The following ASAP1 variants were observed in gnomAD, a reference collection of about 807,000 sequenced individuals.
The protein encoded by ASAP1 is arf-GAP with SH3 domain, ANK repeat and PH domain-containing protein 1.
Under a neutral mutation model 145.2 loss-of-function variants are expected in ASAP1, and 43 were observed. The ratio of observed to expected loss-of-function variants is 0.30; its 90% CI spans 0.23 to 0.38. The LOEUF is 0.38. Ranked by LOEUF, ASAP1 falls within the 10% of genes least tolerant of loss-of-function variation. The pLI is 1.00. For missense variants in ASAP1, 1,018 were observed against 1,355.3 expected (o/e 0.75, Z 3.91); for synonymous variants, 546 against 515.5 (o/e 1.06, Z -0.80).
chr8:130,169,683 A>G (rs887060802), intron 9 of ASAP1, among the ~76,000 whole-genome samples: 5 of 152,260 alleles, frequency 3.3e-5, no homozygotes, highest in Admixed American at 1.3e-4. Context: ...TCTGTGGAGC[A>G]TTTAGCACAT....
intron 7 of ASAP1, among the ~76,000 whole-genome samples, chr8:130,181,704 A>C (rs1467048261): frequency 6.6e-6 from 1 of 152,212 alleles, no homozygotes; most frequent in Non-Finnish European, 1.5e-5. Flanking sequence ...ATAAAGAAGA[A>C]AGGCCCACAT....
chr8:130,388,541 T>C (rs1244327038), intron 2 of ASAP1, among the ~76,000 whole-genome samples: 4 of 152,214 alleles, frequency 2.6e-5, no homozygotes, highest in Admixed American at 2.0e-4. Context: ...AAGCATATAA[T>C]ATAATTTGCA....
intron 3 of ASAP1, among the ~76,000 whole-genome samples, chr8:130,352,530 T>C (rs1299037945): frequency 1.3e-5 from 2 of 152,176 alleles, no homozygotes; most frequent in African/African-American, 4.8e-5. Context: ...GAAACTTAAA[T>C]GGAAGGTGAG....
At chr8:130,215,908 A>T (rs1313474518) in intron 4 of ASAP1, among the ~76,000 whole-genome samples, 1 of 151,304 alleles carries the variant, frequency 6.6e-6, no homozygotes, top group Non-Finnish European at 1.5e-5. Flanking sequence ...TGGGTGATAG[A>T]ATGAGACCCT....
At chr8:130,109,051 AG>A (rs2097542427) in intron 24 of ASAP1, among the ~76,000 whole-genome samples, 1 of 152,116 alleles carries the variant, frequency 6.6e-6, no homozygotes, top group African/African-American at 2.4e-5. Flanking sequence ...TTGGGATTAT[AG>A]GCGTAAGCCA....
At chr8:130,386,630 A>C (rs1473565185) in intron 2 of ASAP1, 1 of 152,218 alleles carries the variant, frequency 6.6e-6, no homozygotes, top group Non-Finnish European at 1.5e-5. Flanking sequence ...ACTTCTGACA[A>C]CTGTACCTCA....
At chr8:130,129,356 T>C (rs926729314) in intron 15 of ASAP1, among the ~76,000 whole-genome samples, 3 of 152,230 alleles carry the variant, frequency 2.0e-5, no homozygotes, top group South Asian at 2.1e-4. Flanking sequence ...AATACGTCAA[T>C]AGTGGTTGTC....
intron 4 of ASAP1, among the ~76,000 whole-genome samples, chr8:130,233,885 A>G (rs1231988097): frequency 6.6e-6 from 1 of 152,208 alleles, no homozygotes; most frequent in Non-Finnish European, 1.5e-5. Flanking sequence ...TACAAAAACG[A>G]AAAACATAGT....
At chr8:130,424,514 G>GCT (rs1829839947) in intron 1 of ASAP1, among the ~76,000 whole-genome samples, 1 of 152,136 alleles carries the variant, frequency 6.6e-6, no homozygotes, top group African/African-American at 2.4e-5. Context: ...CTCAGCGTTT[G>GCT]TTTTTGTTTT....
At chr8:130,439,415 T>C (rs910197907) in intron 1 of ASAP1, among the ~76,000 whole-genome samples, 2 of 152,182 alleles carry the variant, frequency 1.3e-5, no homozygotes, top group Non-Finnish European at 1.5e-5. Flanking sequence ...AAGAAACTAA[T>C]ACACTATCAT....
intron 24 of ASAP1, among the ~76,000 whole-genome samples, chr8:130,107,516 ATGT>A (rs1179350676): frequency 0.057 from 4,635 of 81,402 alleles, 95 homozygotes; most frequent in South Asian, 0.07. Context: ...TTTTTAAAAA[ATGT>A]ATGTATGTAT....
At chr8:130,249,356 T>C in intron 3 of ASAP1, among the ~76,000 whole-genome samples, 1 of 152,138 alleles carries the variant, frequency 6.6e-6, no homozygotes, top group East Asian at 1.9e-4. Context: ...GACTGTCCAC[T>C]TTATATTCCT....
At chr8:130,318,567 T>C (rs1823809945) in intron 3 of ASAP1, among the ~76,000 whole-genome samples, 1 of 152,174 alleles carries the variant, frequency 6.6e-6, no homozygotes, top group African/African-American at 2.4e-5. Flanking sequence ...TAAGGGCAAA[T>C]GACACAGCGA....
intron 5 of ASAP1, among the ~76,000 whole-genome samples, chr8:130,211,853 GT>G (rs1816603710): frequency 1.3e-5 from 2 of 152,286 alleles, no homozygotes; most frequent in South Asian, 2.1e-4. Context: ...TACTGTATCA[GT>G]TTGCTTAACG....
At chr8:130,230,093 CAA>C (rs1187868143) in intron 4 of ASAP1, among the ~76,000 whole-genome samples, 22 of 151,846 alleles carry the variant, frequency 1.4e-4, no homozygotes, top group African/African-American at 4.8e-4. Flanking sequence ...AACAAACAAA[CAA>C]ACAAACAAAC....
In ASAP1 at chr8:130,376,817, C is replaced by T. The variant is rs369808528; in HGVS notation, c.60-18674G>A. Among the ~76,000 whole-genome samples the T allele has an allele frequency of 4.2e-5, 6 of 141,360 alleles. No individual in the cohort carries two copies. The East Asian group carries it at 1.1e-3, about 25-fold the overall frequency. The allele number at this position is 141,360 out of a possible 152,430, so 92.7% of individuals were successfully genotyped here. On this transcript the variant is annotated intron_variant, in intron 2 of 29. Coordinates refer to ENST00000518721, the MANE Select transcript of ASAP1 (RefSeq NM_018482.4). ...ACTTGGGAGGCTGAGGCAGGAGAAT[C>T]GTTTGAAGCCGGGAGGCAGAGGTTG...
At chr8:130,071,011 G>GAGAGAGA (rs1415476694) in intron 27 of ASAP1, among the ~76,000 whole-genome samples, 582 of 11,434 alleles carry the variant, frequency 0.051, 132 homozygotes, top group Admixed American at 0.07. Context: ...GGGGAGGGGG[G>GAGAGAGA]GAGAGAGAGA....
At chr8:130,383,713 G>A (rs1827887071) in intron 2 of ASAP1, among the ~76,000 whole-genome samples, 1 of 152,220 alleles carries the variant, frequency 6.6e-6, no homozygotes, top group African/African-American at 2.4e-5. Flanking sequence ...GTTTATGTAT[G>A]TAGTATCACA....
At chr8:130,171,155 A>C (rs1468294280) in intron 9 of ASAP1, among the ~76,000 whole-genome samples, 1 of 151,706 alleles carries the variant, frequency 6.6e-6, no homozygotes, top group Non-Finnish European at 1.5e-5. Flanking sequence ...TCCCTTAAAA[A>C]CTCCAAGGTC....
Sources: allele counts gnomAD v4.1 joint callset (sites outside exome capture counted in the v4.1 genomes callset), GRCh38; gene constraint gnomAD v4.1.1; transcripts MANE v1.5; gene names NCBI Gene and HGNC (gene_info 2026-07-23, HGNC 2026-07-21).